SPIDR: variants seen among roughly 807,000 people sequenced by gnomAD.
SPIDR encodes scaffold protein involved in DNA repair, also known as DNA repair-scaffolding protein.
Under a neutral mutation model 104.6 loss-of-function variants are expected in SPIDR, and 93 were observed. The ratio of observed to expected loss-of-function variants is 0.89; its 90% confidence interval spans 0.75 to 1.06. SPIDR has a LOEUF of 1.06. Among genes scored for constraint, SPIDR ranks in the 50% least tolerant of loss-of-function variants. The pLI, the probability that SPIDR is intolerant of heterozygous loss-of-function variation, is 0.00. For synonymous variants in SPIDR, 431 were observed against 416.9 expected, an observed-to-expected ratio of 1.03 and a Z score of -0.41; for missense variants, 1,154 against 1,111.2, an observed-to-expected ratio of 1.04 and a Z score of -0.55.
chr8:47,605,376 C>G (rs1054195054), intron 10 of SPIDR, among the ~76,000 whole-genome samples: 9 of 152,096 alleles, frequency 5.9e-5, no homozygotes, highest in African/African-American at 1.9e-4. Flanking sequence ...CACAGAAGCT[C>G]ACTTAGCAGA....
At chr8:47,285,828 TG>T (rs71300621) in intron 3 of SPIDR, among the ~76,000 whole-genome samples, 10 of 151,688 alleles carry the variant, frequency 6.6e-5, no homozygotes, top group Admixed American at 2.0e-4. Context: ...TGAATTTTGG[TG>T]GGGGGGGACA....
At chr8:47,428,203 C>T (rs1225902797) in intron 7 of SPIDR, among the ~76,000 whole-genome samples, 1 of 152,208 alleles carries the variant, frequency 6.6e-6, no homozygotes, top group Non-Finnish European at 1.5e-5. Context: ...GGATTATAGG[C>T]ATGAACTACC....
intron 8 of SPIDR, among the ~76,000 whole-genome samples, chr8:47,584,346 C>T (rs2060050240): frequency 6.6e-6 from 1 of 152,116 alleles, no homozygotes; most frequent in Non-Finnish European, 1.5e-5. Context: ...TATATGTTTA[C>T]CTTAAATTAG....
intron 5 of SPIDR, among the ~76,000 whole-genome samples, chr8:47,382,047 G>A (rs1456407454): frequency 6.6e-6 from 1 of 152,168 alleles, no homozygotes; most frequent in African/African-American, 2.4e-5. Flanking sequence ...TTAGAATCAA[G>A]AGCTTTAATT....
At chr8:47,300,750 G>GA (rs1251329867) in intron 5 of SPIDR, among the ~76,000 whole-genome samples, 3 of 152,196 alleles carry the variant, frequency 2.0e-5, no homozygotes, top group African/African-American at 7.2e-5. Context: ...CCATGTAGTT[G>GA]AGCGGTTTTG....
In SPIDR at chr8:47,260,942, A is replaced by G; in HGVS notation, c.-17A>G. On this transcript the variant is annotated 5_prime_UTR_variant, in exon 1 of 20. Coordinates refer to ENST00000297423, the MANE Select transcript of SPIDR (RefSeq NM_001080394.4). ...GGCGCGCTGAGGAGGCGGTGCGCTCAGGCGGCGCTCCCGGAGATGCCCCGC... is the reference window on the plus strand; with the variant it reads ...GGCGCGCTGAGGAGGCGGTGCGCTCGGGCGGCGCTCCCGGAGATGCCCCGC... The G allele has an allele frequency of 1.6e-6, 2 of 1,227,966 alleles. No homozygotes were observed. Among genetic ancestry groups the G allele is most frequent in the Non-Finnish European group, 2.0e-6 (2 of 985,300 alleles). The allele number at this position is 1,227,966 out of a possible 1,614,324, so 76.1% of individuals were successfully genotyped here.
chr8:47,318,741 A>G (rs2045921589), intron 5 of SPIDR, among the ~76,000 whole-genome samples: 1 of 144,512 alleles, frequency 6.9e-6, no homozygotes, highest in South Asian at 2.2e-4. Context: ...CTAACAGCGG[A>G]TCTCTCGGCA....
intron 8 of SPIDR, chr8:47,511,087 C>T (rs1439147261): frequency 2.4e-6 from 3 of 1,247,144 alleles, no homozygotes; most frequent in Non-Finnish European, 3.5e-6. Flanking sequence ...CTTCAGGGTC[C>T]AGCTCTCGTC....
intron 10 of SPIDR, among the ~76,000 whole-genome samples, chr8:47,671,525 C>T (rs1005682029): frequency 4.6e-5 from 7 of 151,366 alleles, no homozygotes; most frequent in East Asian, 3.9e-4. Context: ...ATGGAGGTTG[C>T]GGTGAGCTGA....
intron 8 of SPIDR, among the ~76,000 whole-genome samples, chr8:47,567,787 T>TC (rs2058070020): frequency 7.4e-6 from 1 of 135,996 alleles, no homozygotes; most frequent in Non-Finnish European, 1.6e-5. Flanking sequence ...TTTCTTTTTT[T>TC]TTTTTTTTTT....
chr8:47,716,745 G>A (rs557762793), intron 16 of SPIDR, among the ~76,000 whole-genome samples: 30 of 152,070 alleles, frequency 2.0e-4, no homozygotes, highest in Non-Finnish European at 4.0e-4. Context: ...GTCAAGTAGA[G>A]TTGGGCAAGG....
At chr8:47,675,012 G>T (rs1037196698) in intron 11 of SPIDR, among the ~76,000 whole-genome samples, 1 of 151,884 alleles carries the variant, frequency 6.6e-6, no homozygotes, top group Non-Finnish European at 1.5e-5. Context: ...TTTGGTTTTT[G>T]GTTTTTTTGT....
chr8:47,449,293 G>A (rs2071261928), intron 8 of SPIDR, among the ~76,000 whole-genome samples: 5 of 152,196 alleles, frequency 3.3e-5, no homozygotes, highest in Admixed American at 3.3e-4. Flanking sequence ...GGATTGATTT[G>A]TGGGGCCCAG....
At chr8:47,554,191 G>A (rs944656046) in intron 8 of SPIDR, among the ~76,000 whole-genome samples, 1 of 152,130 alleles carries the variant, frequency 6.6e-6, no homozygotes, top group Non-Finnish European at 1.5e-5. Flanking sequence ...TAGGCTACTC[G>A]AGGGTCAGGG....
At chr8:47,671,402 T>C (rs538569434) in intron 10 of SPIDR, among the ~76,000 whole-genome samples, 1 of 152,004 alleles carries the variant, frequency 6.6e-6, no homozygotes, top group African/African-American at 2.4e-5. Flanking sequence ...CTGCCCAACA[T>C]GGAGAAACCC....
intron 7 of SPIDR, among the ~76,000 whole-genome samples, chr8:47,434,480 TAAAG>T (rs1277598118): frequency 6.6e-6 from 1 of 152,198 alleles, no homozygotes; most frequent in Non-Finnish European, 1.5e-5. Flanking sequence ...TCTCTGAAGA[TAAAG>T]AGAGACAGAG....
chr8:47,699,749 T>G (rs2079877154), intron 11 of SPIDR, among the ~76,000 whole-genome samples: 1 of 152,196 alleles, frequency 6.6e-6, no homozygotes, highest in Admixed American at 6.5e-5. Context: ...GAGACAGGGT[T>G]TCACCATGTT....
At chr8:47,442,170 C>T (rs1325089747) in intron 8 of SPIDR, among the ~76,000 whole-genome samples, 1 of 152,064 alleles carries the variant, frequency 6.6e-6, no homozygotes, top group African/African-American at 2.4e-5. Flanking sequence ...TTCAAGTATG[C>T]ATTGTAAAAG....
At chr8:47,489,331 C>T (rs1554736291) in intron 8 of SPIDR, among the ~76,000 whole-genome samples, 2 of 152,144 alleles carry the variant, frequency 1.3e-5, no homozygotes, top group Admixed American at 6.5e-5. Context: ...AACTACAAAC[C>T]ACTGCTCAAT....
Sources: gnomAD v4.1 joint callset for allele counts (sites outside exome capture counted in the v4.1 genomes callset) on GRCh38, gnomAD v4.1.1 for gene constraint, MANE v1.5 for transcripts, NCBI Gene and HGNC (gene_info 2026-07-23, HGNC 2026-07-21) for gene names.